The following HADHA variants were observed in gnomAD, a reference collection of about 807,000 sequenced individuals.
The protein encoded by HADHA is trifunctional enzyme subunit alpha, mitochondrial.
A neutral mutation model predicts 91.3 loss-of-function variants in HADHA; 59 were observed. The ratio of observed to expected loss-of-function variants is 0.65; its 90% CI spans 0.52 to 0.80. The LOEUF is 0.80. Ranked by LOEUF, HADHA falls within the 30% of genes least tolerant of loss-of-function variation. The pLI, the probability that HADHA is intolerant of heterozygous loss-of-function variation, is 0.00. For missense variants in HADHA, 800 were observed against 927.6 expected, an observed-to-expected ratio of 0.86 and a Z score of 1.79; for synonymous variants, 320 against 338.9, an observed-to-expected ratio of 0.94 and a Z score of 0.61.
Position 26,229,357 on chromosome 2 carries a change from C to CAG in HADHA, c.676+834_676+835insCT, listed in dbSNP as rs1374593731. 2.6e-5 allele frequency among the ~76,000 whole-genome samples: 4 copies of CAG among 151,494 alleles called. No homozygotes were observed. The highest frequency in any genetic ancestry group is 7.3e-5 in the African/African-American group (3 of 41,264). On this transcript the variant is annotated intron_variant, in intron 7 of 19. Transcript: ENST00000380649. This position sits in a 1 kb window ranked among gnomAD's most constrained non-coding sequence, Gnocchi z 4.3. ...CAACATGTGTGCGCGCGCACACACA[C>CAG]ACACACACACACACACAAAATTAAT...
chr2:26,226,086 A>G (rs4665842), intron 7 of HADHA, among the ~76,000 whole-genome samples: 124,669 of 151,716 alleles, frequency 0.82, 51,576 homozygotes, highest in African/African-American at 0.93. Flanking sequence ...AAAACAGCCT[A>G]CAAGTATGAA....
At chr2:26,230,326 G>T in intron 6 of HADHA, 32 bp from the exon 7 acceptor site, 1 of 1,265,048 alleles carries the variant, frequency 7.9e-7, no homozygotes, top group Non-Finnish European at 1.2e-6. Context: ...GAATATAGGG[G>T]GAAAAAAATC....
chr2:26,194,543 G>T, intron 16 of HADHA, 27 bp downstream of exon 16: 1 of 1,447,460 alleles, frequency 6.9e-7, no homozygotes, highest in Non-Finnish European at 9.7e-7. Context: ...GGAAGATGCC[G>T]CAAACACTCT....
rs1574599698 is a variant in HADHA at position 26,190,997 on chromosome 2, C to G, written c.*253G>C. 1.8e-6 allele frequency: 1 copy of G among 570,630 alleles called. No individual in the cohort carries two copies. Among genetic ancestry groups the G allele is most frequent in the Non-Finnish European group, 3.1e-6 (1 of 318,380 alleles). The allele number at this position is 570,630 out of a possible 1,614,324, so 35.3% of individuals were successfully genotyped here. On this transcript the variant is annotated 3_prime_UTR_variant, in exon 20 of 20. Coordinates refer to ENST00000380649, the MANE Select transcript of HADHA (RefSeq NM_000182.5). ...GGTGGCTTCAGATGGCTCTTGGCTG[C>G]CACTCTAGGCCTCGGGGCTTATACA... is the stretch of plus-strand genomic sequence containing the variant.
chr2:26,241,667 AAAAC>A (rs1223612591), intron 1 of HADHA, among the ~76,000 whole-genome samples: 9 of 152,120 alleles, frequency 5.9e-5, no homozygotes, highest in African/African-American at 9.6e-5. Flanking sequence ...AAAAACCGAA[AAAAC>A]AAACAAACAA....
chr2:26,206,593 A>G lies in HADHA; in HGVS notation c.1086-2397T>C, dbSNP rs529149776. Among the ~76,000 whole-genome samples, 3 of 152,310 alleles carry G rather than the reference A, an allele frequency of 2.0e-5. 1 individual carries two copies. In the South Asian group the frequency reaches 6.2e-4, roughly 32 times the overall value. On this transcript the variant is annotated intron_variant, in intron 11 of 19. Transcript: ENST00000380649. Reference sequence around the variant, plus strand: ...GTTCATGCATGGTTCACGGAAGTATACTTTGTCCTACTTTTGGGGGGGTTC... The same window carrying G: ...GTTCATGCATGGTTCACGGAAGTATGCTTTGTCCTACTTTTGGGGGGGTTC...
At chr2:26,244,406 CCACA>C (rs1671022127) in intron 1 of HADHA, 120 bp downstream of exon 1, 1 of 972,834 alleles carries the variant, frequency 1.0e-6, no homozygotes, top group African/African-American at 1.6e-5. Flanking sequence ...GGCAGTATCC[CCACA>C]GAGGGCTGCG....
At chr2:26,241,347 C>T (rs1453911694) in intron 1 of HADHA, among the ~76,000 whole-genome samples, 1 of 151,974 alleles carries the variant, frequency 6.6e-6, no homozygotes, top group Non-Finnish European at 1.5e-5. Context: ...TGGCCGGGCG[C>T]GGTGGCTCAC....
At chr2:26,201,419 G>T in intron 12 of HADHA, 99 bp from the exon 13 acceptor site, 2 of 796,314 alleles carry the variant, frequency 2.5e-6, no homozygotes, top group Non-Finnish European at 4.3e-6. Flanking sequence ...CACCAACTCT[G>T]TGAGGTAGTT....
intron 13 of HADHA, among the ~76,000 whole-genome samples, chr2:26,198,315 T>C (rs996116842): frequency 7.9e-5 from 12 of 151,992 alleles, no homozygotes; most frequent in East Asian, 1.9e-4. Flanking sequence ...ACCTGGAGAA[T>C]AGTCTCTAAT....
intron 1 of HADHA, among the ~76,000 whole-genome samples, chr2:26,242,497 A>T (rs760480419): frequency 6.6e-6 from 1 of 152,264 alleles, no homozygotes; most frequent in Non-Finnish European, 1.5e-5. Context: ...TATTACACAC[A>T]TAAGATGTAC....
chr2:26,205,681 G>C (rs1669954625), intron 11 of HADHA, among the ~76,000 whole-genome samples: 2 of 152,174 alleles, frequency 1.3e-5, no homozygotes, highest in Non-Finnish European at 2.9e-5. Context: ...GTGTGCACCT[G>C]TAATCCCAGC....
intron 13 of HADHA, among the ~76,000 whole-genome samples, chr2:26,200,157 ATTTAT>A (rs1293375775): frequency 6.6e-6 from 1 of 152,054 alleles, no homozygotes; most frequent in Non-Finnish European, 1.5e-5. Flanking sequence ...TTGTTTATTT[ATTTAT>A]TTTGAGACGG....
At chr2:26,225,188 G>T (rs1444859178) in intron 7 of HADHA, among the ~76,000 whole-genome samples, 1 of 151,996 alleles carries the variant, frequency 6.6e-6, no homozygotes, top group East Asian at 1.9e-4. Context: ...AAATCTTCCA[G>T]AAAATATAAG....
intron 11 of HADHA, 150 bp downstream of exon 11, chr2:26,209,630 A>C: frequency 1.5e-6 from 1 of 653,132 alleles, no homozygotes; most frequent in Non-Finnish European, 2.7e-6. Flanking sequence ...AAAAGTTTTT[A>C]GTAGACATAA....
intron 1 of HADHA, among the ~76,000 whole-genome samples, chr2:26,239,368 C>T (rs542065522): frequency 6.6e-6 from 1 of 152,322 alleles, no homozygotes; most frequent in East Asian, 1.9e-4. Context: ...AAGGGATATA[C>T]ATCCCCAGAA....
In HADHA at chr2:26,192,342, TA is replaced by T. The variant is rs779113356; in HGVS notation, c.1967del (p.Leu656Ter). 2 of 1,605,124 alleles carry T rather than the reference TA, an allele frequency of 1.2e-6. No homozygotes were observed. Among genetic ancestry groups the T allele is most frequent in the Non-Finnish European group, 1.7e-6 (2 of 1,171,762 alleles). ...ACTTAGGAGGCAGCTTCAGACTCGC[TA>T]AAATACTATCCATGTCAGAATTCAA... ...KDLNSDMDSI[L>X]ASLKLPPKSE... is the part of the protein sequence containing the mutation. On this transcript the variant is annotated frameshift_variant, in exon 18 of 20. Transcript: ENST00000380649. LOFTEE classifies it high-confidence loss of function.
intron 13 of HADHA, among the ~76,000 whole-genome samples, chr2:26,198,369 GT>G (rs57357827): frequency 2.0e-5 from 3 of 146,956 alleles, no homozygotes; most frequent in Admixed American, 1.4e-4. Flanking sequence ...ACTTATTCAT[GT>G]TTTTTTTTTG....
At chr2:26,196,928 G>A (rs919603910) in intron 14 of HADHA, among the ~76,000 whole-genome samples, 2 of 152,148 alleles carry the variant, frequency 1.3e-5, no homozygotes, top group Non-Finnish European at 2.9e-5. Flanking sequence ...TCAGGTCCCC[G>A]CATCACTTCT....
Sources: gnomAD v4.1 joint callset for allele counts (sites outside exome capture counted in the v4.1 genomes callset) on GRCh38, gnomAD v4.1.1 for gene constraint, Gnocchi (gnomAD v3.1) non-coding constraint, MANE v1.5 for transcripts, NCBI Gene and HGNC (gene_info 2026-07-23, HGNC 2026-07-21) for gene names.